CTNNA3: variants seen among roughly 807,000 people sequenced by gnomAD.
CTNNA3 encodes the protein catenin alpha-3.
CTNNA3 carries 76 observed loss-of-function variants against 95.7 expected under a neutral mutation model. The observed-to-expected ratio is 0.79, with a 90% CI of 0.66 to 0.96. The LOEUF is 0.96. CTNNA3 is among the 40% of genes least tolerant of loss of function. The probability of loss-of-function intolerance (pLI) is 0.00; values close to 1 mark genes in which losing one functional copy is unlikely to be tolerated. For synonymous variants in CTNNA3, 431 were observed against 374.4 expected (o/e 1.15, Z -1.74); for missense variants, 1,191 against 1,089.8 (o/e 1.09, Z -1.31).
chr10:67,392,737 T>C (rs1261352129), intron 5 of CTNNA3, among the ~76,000 whole-genome samples: 1 of 152,136 alleles, frequency 6.6e-6, no homozygotes, highest in African/African-American at 2.4e-5. Context: ...TAAAAAATGA[T>C]GAGTTCATGT....
intron 7 of CTNNA3, among the ~76,000 whole-genome samples, chr10:66,989,311 T>C (rs75644171): frequency 0.018 from 2,717 of 152,326 alleles, 25 homozygotes; most frequent in African/African-American, 0.026. Context: ...ATTTAATATA[T>C]GTCAACTTAT....
chr10:67,465,636 C>T (rs1847560892), intron 5 of CTNNA3, among the ~76,000 whole-genome samples: 1 of 152,056 alleles, frequency 6.6e-6, no homozygotes, highest in Admixed American at 6.6e-5. Context: ...TGCCCTTGTC[C>T]CCAGCTATGG....
chr10:66,394,303 G>C (rs1255745825), intron 11 of CTNNA3, among the ~76,000 whole-genome samples: 1 of 151,926 alleles, frequency 6.6e-6, no homozygotes, highest in Non-Finnish European at 1.5e-5. Flanking sequence ...AACAAATGAA[G>C]TTTAGTGCCT....
At chr10:67,690,475 G>T (rs934599078) in intron 1 of CTNNA3, among the ~76,000 whole-genome samples, 16 of 152,100 alleles carry the variant, frequency 1.1e-4, no homozygotes, top group Admixed American at 9.8e-4. Context: ...ATTTTACAGA[G>T]TGCTGATTGG....
chr10:67,191,380 T>C (rs905016726), intron 6 of CTNNA3, among the ~76,000 whole-genome samples: 2 of 151,918 alleles, frequency 1.3e-5, no homozygotes, highest in East Asian at 1.9e-4. Flanking sequence ...AAACCTATTA[T>C]AACTAGTAAA....
intron 1 of CTNNA3, among the ~76,000 whole-genome samples, chr10:67,718,933 TG>T (rs1462142498): frequency 2.6e-5 from 4 of 152,336 alleles, no homozygotes; most frequent in African/African-American, 7.2e-5. Flanking sequence ...CATCTGGTCC[TG>T]GGCTTTTTTT....
intron 10 of CTNNA3, among the ~76,000 whole-genome samples, chr10:66,586,337 C>G (rs1389068800): frequency 6.6e-6 from 1 of 152,078 alleles, no homozygotes; most frequent in Non-Finnish European, 1.5e-5. Flanking sequence ...CCAGCTTTGA[C>G]AGAGGCAGCT....
At chr10:67,592,987 A>C (rs1842832328) in intron 3 of CTNNA3, among the ~76,000 whole-genome samples, 1 of 152,158 alleles carries the variant, frequency 6.6e-6, no homozygotes, top group Non-Finnish European at 1.5e-5. Context: ...ACCTTTAAGT[A>C]GGCCCCAATG....
chr10:67,609,854 AG>A (rs1382306844), intron 2 of CTNNA3, among the ~76,000 whole-genome samples: 2 of 152,180 alleles, frequency 1.3e-5, no homozygotes, highest in Non-Finnish European at 2.9e-5. Flanking sequence ...TAAATGTGGC[AG>A]TTAGCAAAGC....
At chr10:66,006,084 C>T (rs1458183280) in intron 15 of CTNNA3, among the ~76,000 whole-genome samples, 1 of 147,978 alleles carries the variant, frequency 6.8e-6, no homozygotes, top group Admixed American at 6.8e-5. Context: ...ACGATCTCGG[C>T]TCAGTGCAAG....
chr10:66,569,424 A>G (rs7919336), intron 10 of CTNNA3, among the ~76,000 whole-genome samples: 48,988 of 151,976 alleles, frequency 0.32, 8,114 homozygotes, highest in South Asian at 0.52. Context: ...CCTGTAGATG[A>G]AGCATAATAT....
At chr10:66,791,868 C>T (rs1239118083) in intron 7 of CTNNA3, among the ~76,000 whole-genome samples, 2 of 152,150 alleles carry the variant, frequency 1.3e-5, no homozygotes, top group African/African-American at 2.4e-5. Flanking sequence ...ATTTCTATAT[C>T]GTTGGGTTAT....
intron 1 of CTNNA3, among the ~76,000 whole-genome samples, chr10:67,735,346 A>G (rs1168576437): frequency 6.6e-6 from 1 of 152,166 alleles, no homozygotes; most frequent in African/African-American, 2.4e-5. Flanking sequence ...GAGATAAAAG[A>G]ATCAGGAAAT....
At chr10:66,883,225 G>A (rs10997428) in intron 7 of CTNNA3, among the ~76,000 whole-genome samples, 4,176 of 152,212 alleles carry the variant, frequency 0.027, 80 homozygotes, top group Non-Finnish European at 0.044. Flanking sequence ...CAGCTCATAG[G>A]TGGTACAGCG....
intron 15 of CTNNA3, among the ~76,000 whole-genome samples, chr10:66,041,544 G>A (rs1221872301): frequency 6.6e-6 from 1 of 152,082 alleles, no homozygotes; most frequent in Admixed American, 6.6e-5. Flanking sequence ...GTCAAAATTT[G>A]TATCAAAATA....
At chr10:66,694,756 G>T (rs1262290748) in intron 9 of CTNNA3, among the ~76,000 whole-genome samples, 1 of 152,100 alleles carries the variant, frequency 6.6e-6, no homozygotes, top group Admixed American at 6.6e-5. Flanking sequence ...TGAATTCCAA[G>T]GGATCACAAA....
At chr10:67,016,929 A>G (rs1229975096) in intron 7 of CTNNA3, among the ~76,000 whole-genome samples, 5 of 152,174 alleles carry the variant, frequency 3.3e-5, no homozygotes, top group Non-Finnish European at 7.3e-5. Context: ...TACCATCAAA[A>G]TGTCTGGTTC....
rs562794046 is a variant in CTNNA3, at chr10:66,845,009, A to G, written c.1048-69485T>C. On this transcript the variant is annotated intron_variant, in intron 7 of 17. Transcript: ENST00000433211. ...ATAATATTTACATTTATTTTGTAGGACCACAAACCATGCAAGTCTAAAGAT... is the reference window on the plus strand; with the variant it reads ...ATAATATTTACATTTATTTTGTAGGGCCACAAACCATGCAAGTCTAAAGAT... 4.6e-5 allele frequency among the ~76,000 whole-genome samples: 7 copies of G among 152,330 alleles called. No homozygotes were observed. In the East Asian group the frequency reaches 1.3e-3, roughly 29 times the overall value.
intron 5 of CTNNA3, among the ~76,000 whole-genome samples, chr10:67,432,143 T>A (rs571575856): frequency 1.7e-4 from 26 of 151,888 alleles, no homozygotes; most frequent in Middle Eastern, 6.8e-3. Context: ...TATTAGAAAA[T>A]TAAAATGGTC....
Sources: allele counts gnomAD v4.1 joint callset (sites outside exome capture counted in the v4.1 genomes callset), GRCh38; gene constraint gnomAD v4.1.1; transcripts MANE v1.5; gene names NCBI Gene and HGNC (gene_info 2026-07-23, HGNC 2026-07-21).